The following FKBP14 variants were observed in gnomAD, a reference collection of about 807,000 sequenced individuals.
FKBP14 encodes the protein FKBP prolyl isomerase 14, also known as peptidyl-prolyl cis-trans isomerase FKBP14.
A neutral mutation model predicts 21.6 loss-of-function variants in FKBP14; 20 were observed. The observed-to-expected ratio is 0.92, with a 90% CI of 0.65 to 1.34. The LOEUF is 1.34. Ranked by LOEUF, FKBP14 falls within the 40% of genes most tolerant of loss-of-function variation. FKBP14 has a pLI of 0.00. For missense variants in FKBP14, 253 were observed against 249.0 expected (o/e 1.02, Z -0.11); for synonymous variants, 79 against 86.7 (o/e 0.91, Z 0.49).
downstream of FKBP14, among the ~76,000 whole-genome samples, chr7:30,010,223 T>A (rs1048166144): frequency 6.6e-6 from 1 of 152,196 alleles, no homozygotes; most frequent in Admixed American, 6.5e-5. Context: ...CATAAATCAG[T>A]GTGTCCACCT....
downstream of FKBP14, among the ~76,000 whole-genome samples, chr7:30,006,512 A>G (rs1789620955): frequency 6.6e-6 from 1 of 152,018 alleles, no homozygotes; most frequent in Admixed American, 6.6e-5. Flanking sequence ...AAAAAAATAT[A>G]TATAGAAGAG....
chr7:30,022,549 A>G (rs2127949430), intron 2 of FKBP14, 116 bp downstream of exon 2: 3 of 1,004,590 alleles, frequency 3.0e-6, no homozygotes, highest in South Asian at 1.8e-5. Context: ...AAAGGAATAC[A>G]TACCCCCTAT....
intron 3 of FKBP14, among the ~76,000 whole-genome samples, chr7:30,018,013 A>G (rs1789937709): frequency 4.6e-5 from 2 of 43,450 alleles, no homozygotes; most frequent in African/African-American, 4.7e-5. Flanking sequence ...AAATAAATAA[A>G]TAAATAAATA....
At chr7:30,009,235 A>ATTT (rs753340209), downstream of FKBP14, among the ~76,000 whole-genome samples, 1 of 142,826 alleles carries the variant, frequency 7.0e-6, no homozygotes, top group Non-Finnish European at 1.5e-5. Flanking sequence ...TAGTGCTATA[A>ATTT]TTTTTTTTTT....
Position 30,022,918 on chromosome 7 carries a change from A to C in FKBP14, c.198-102T>G, listed in dbSNP as rs191785492. 118 of 1,055,854 alleles carry C rather than the reference A, an allele frequency of 1.1e-4. No individual in the cohort carries two copies. The East Asian group carries it at 2.6e-3, about 23-fold the overall frequency. The allele number at this position is 1,055,854 out of a possible 1,614,324, so 65.4% of individuals were successfully genotyped here. Reference sequence around the variant, plus strand: ...AGTGGTTAAGTTTATTAGTTTAAAAATTTATAAATACAGCAATTCTGTATT... The same window carrying C: ...AGTGGTTAAGTTTATTAGTTTAAAACTTTATAAATACAGCAATTCTGTATT... On this transcript the variant is annotated intron_variant, in intron 1 of 3. Transcript: ENST00000222803.
downstream of FKBP14, among the ~76,000 whole-genome samples, chr7:30,009,889 C>T (rs1789683133): frequency 6.6e-6 from 1 of 151,116 alleles, no homozygotes; most frequent in Non-Finnish European, 1.5e-5. Context: ...ATCCCAGCTA[C>T]TGGGGAGGCT....
chr7:30,021,931 T>A (rs765638739), intron 2 of FKBP14, among the ~76,000 whole-genome samples: 107 of 152,290 alleles, frequency 7.0e-4, no homozygotes, highest in Non-Finnish European at 1.2e-3. Flanking sequence ...AGGATATGTG[T>A]CTGCCCTGAA....
rs893955563 is a variant in FKBP14, at chr7:30,012,986, T to C, written c.*1749A>G. ...ACCCTGGGCATAACAGTCAATCTTTTTGAATGACAATTTCCTCGTCTATAA... is the reference window on the plus strand; with the variant it reads ...ACCCTGGGCATAACAGTCAATCTTTCTGAATGACAATTTCCTCGTCTATAA... On this transcript the variant is annotated 3_prime_UTR_variant, in exon 4 of 4. Transcript: ENST00000222803. 2.0e-5 allele frequency: 3 copies of C among 152,176 alleles called. No homozygotes were observed. Among genetic ancestry groups the C allele is most frequent in the African/African-American group, 7.2e-5 (3 of 41,434 alleles). The allele number at this position is 152,176 out of a possible 1,614,324, so 9.4% of individuals were successfully genotyped here.
intron 1 of FKBP14, 94 bp downstream of exon 1, chr7:30,026,218 C>G: frequency 8.0e-7 from 1 of 1,254,176 alleles, no homozygotes; most frequent in South Asian, 1.8e-5. Context: ...GTAAAAGAGG[C>G]AAAACCAGGT....
At position 30,011,608 on chromosome 7, in the gene FKBP14, A is replaced by T. The variant is rs542744202; in HGVS notation, c.*3127T>A. On this transcript the variant is annotated 3_prime_UTR_variant, in exon 4 of 4. Coordinates refer to ENST00000222803, the MANE Select transcript of FKBP14 (RefSeq NM_017946.4). Reference sequence around the variant, plus strand: ...ATATATATAGTATATATATATATATATATTTTTTTTTTTAGATGGGGAGTC... The same window carrying T: ...ATATATATAGTATATATATATATATTTATTTTTTTTTTTAGATGGGGAGTC... 7 of 134,260 alleles carry T rather than the reference A, an allele frequency of 5.2e-5. No individual in the cohort carries two copies. Among genetic ancestry groups the T allele is most frequent in the East Asian group, 2.1e-4 (1 of 4,760 alleles). The allele number at this position is 134,260 out of a possible 1,614,324, so 8.3% of individuals were successfully genotyped here. A position where few individuals can be genotyped will look rare whatever the true frequency, so the allele number is the denominator to read the frequency against.
At position 30,022,717 on chromosome 7, in the gene FKBP14, C is replaced by T; in HGVS notation, c.297G>A (p.Glu99=). 6.2e-7 allele frequency: 1 copy of T among 1,614,052 alleles called. No homozygotes were observed. Among genetic ancestry groups the T allele is most frequent in the Non-Finnish European group, 8.5e-7 (1 of 1,179,968 alleles). The stretch of plus-strand genomic sequence containing the variant: ...CAGGAGGAATGATGAGCTTTCTCTT[C>T]TCTCCTACACACATTCCTTTCAAGC... The part of the protein sequence containing the change: ...DQGLKGMCVG[E]KRKLIIPPAL... The change falls in exon 2 of 4, where the codon GAG becomes GAA. Residue 99 remains glutamate (E), a synonymous_variant. Coordinates refer to ENST00000222803, the MANE Select transcript of FKBP14 (RefSeq NM_017946.4).
chr7:30,022,495 A>T, intron 2 of FKBP14, 170 bp downstream of exon 2: 2 of 582,876 alleles, frequency 3.4e-6, no homozygotes, highest in Non-Finnish European at 5.7e-6. Flanking sequence ...TTACGGCCTT[A>T]AACTGGCCAT....
chr7:30,019,965 A>G (rs2127948585), intron 2 of FKBP14, among the ~76,000 whole-genome samples: 1 of 152,282 alleles, frequency 6.6e-6, no homozygotes, highest in South Asian at 2.1e-4. Context: ...AAAAATCTTT[A>G]AAAGTGAAAA....
At position 30,014,654 on chromosome 7, in the gene FKBP14, T is replaced by G; in HGVS notation, c.*81A>C. 1.1e-6 allele frequency: 1 copy of G among 932,634 alleles called. No individual in the cohort carries two copies. Among genetic ancestry groups the G allele is most frequent in the South Asian group, 4.2e-5 (1 of 23,994 alleles). The allele number at this position is 932,634 out of a possible 1,614,324, so 57.8% of individuals were successfully genotyped here. The stretch of plus-strand genomic sequence containing the variant: ...ATAAAAAACAAAGCAAGAAAGAACA[T>G]TGTATAAAAATAAAATGTTCTTTAA... On this transcript the variant is annotated 3_prime_UTR_variant, in exon 4 of 4. Transcript: ENST00000222803.
chr7:30,017,404 A>C (rs774666319), intron 3 of FKBP14, among the ~76,000 whole-genome samples: 1 of 152,034 alleles, frequency 6.6e-6, no homozygotes, highest in East Asian at 1.9e-4. Context: ...CCCTGTCTCT[A>C]TTAAAAATAC....
intron 3 of FKBP14, among the ~76,000 whole-genome samples, chr7:30,015,295 G>A (rs865956811): frequency 7.9e-5 from 12 of 152,018 alleles, no homozygotes; most frequent in Middle Eastern, 3.2e-3. Context: ...GCATGCGTCT[G>A]TAATCCCAGC....
intron 3 of FKBP14, among the ~76,000 whole-genome samples, chr7:30,016,326 C>T (rs189414300): frequency 6.6e-6 from 1 of 152,226 alleles, no homozygotes; most frequent in Non-Finnish European, 1.5e-5. Flanking sequence ...TAATCACAAC[C>T]TTTCAATCTC....
intron 1 of FKBP14, among the ~76,000 whole-genome samples, chr7:30,024,350 A>T (rs1347225633): frequency 6.6e-6 from 1 of 152,344 alleles, no homozygotes. Flanking sequence ...AATTTATCCC[A>T]TAGGCTATGG....
chr7:30,009,480 G>A (rs185893140), downstream of FKBP14, among the ~76,000 whole-genome samples: 75 of 152,052 alleles, frequency 4.9e-4, 1 homozygote, highest in African/African-American at 1.4e-3. Context: ...TGATCCCCCC[G>A]CCTCAGCGTC....
Sources: gnomAD v4.1 joint callset for allele counts (sites outside exome capture counted in the v4.1 genomes callset) on GRCh38, gnomAD v4.1.1 for gene constraint, MANE v1.5 for transcripts, NCBI Gene and HGNC (gene_info 2026-07-23, HGNC 2026-07-21) for gene names.